Variants in PDLIM5 observed in about 807,000 individuals in gnomAD.
PDLIM5 encodes PDZ and LIM domain 5.
A neutral mutation model predicts 64.2 loss-of-function variants in PDLIM5; 34 were observed. That is an observed-to-expected ratio of 0.53 (90% CI 0.40 to 0.71). The LOEUF is 0.71. Ranked by LOEUF, PDLIM5 falls within the 30% of genes least tolerant of loss-of-function variation. PDLIM5 has a pLI of 0.00. For missense variants in PDLIM5, 683 were observed against 733.6 expected (o/e 0.93, Z 0.80); for synonymous variants, 253 against 269.1 (o/e 0.94, Z 0.59).
intron 9 of PDLIM5, among the ~76,000 whole-genome samples, chr4:94,642,474 G>A (rs192295205): frequency 1.4e-4 from 22 of 152,244 alleles, no homozygotes; most frequent in East Asian, 9.6e-4. Context: ...TCATCCTGCC[G>A]TGTAAAATAA....
intron 2 of PDLIM5, among the ~76,000 whole-genome samples, chr4:94,513,568 C>G (rs1466017552): frequency 6.6e-6 from 1 of 152,092 alleles, no homozygotes; most frequent in East Asian, 1.9e-4. Context: ...GACTTTGTAT[C>G]CTGCAACTTT....
At chr4:94,556,933 G>T (rs1268204269) in intron 3 of PDLIM5, among the ~76,000 whole-genome samples, 3 of 152,206 alleles carry the variant, frequency 2.0e-5, no homozygotes, top group Admixed American at 6.5e-5. Flanking sequence ...GTCAATTTTG[G>T]CTTTTGTTGC....
intron 7 of PDLIM5, among the ~76,000 whole-genome samples, chr4:94,602,755 C>A (rs1042073185): frequency 6.6e-6 from 1 of 150,466 alleles, no homozygotes; most frequent in Non-Finnish European, 1.5e-5. Flanking sequence ...CACACCAGGC[C>A]CCTGCAGCCT....
chr4:94,630,110 T>A (rs72880425), intron 8 of PDLIM5, among the ~76,000 whole-genome samples: 5,735 of 152,266 alleles, frequency 0.038, 375 homozygotes, highest in African/African-American at 0.13. Flanking sequence ...ATTTAGTATG[T>A]GTAAAATTGC....
chr4:94,624,744 G>C (rs920271492), intron 8 of PDLIM5, among the ~76,000 whole-genome samples: 1 of 152,122 alleles, frequency 6.6e-6, no homozygotes, highest in Admixed American at 6.5e-5. Context: ...ATTTGGCTTC[G>C]GGTAGGAAAG....
At chr4:94,492,120 A>T (rs572079898) in intron 2 of PDLIM5, among the ~76,000 whole-genome samples, 1 of 150,808 alleles carries the variant, frequency 6.6e-6, no homozygotes, top group South Asian at 2.1e-4. Flanking sequence ...AGCTTTAAGA[A>T]TTGTTTTTCT....
chr4:94,588,217 ACATTT>A, intron 7 of PDLIM5: 3 of 956,954 alleles, frequency 3.1e-6, no homozygotes, highest in Non-Finnish European at 3.7e-6. Flanking sequence ...CAATTCTCTG[ACATTT>A]CATTTGGAAA....
intron 6 of PDLIM5, 66 bp from the exon 7 acceptor site, chr4:94,586,342 A>G: frequency 1.2e-6 from 1 of 855,382 alleles, no homozygotes; most frequent in Non-Finnish European, 2.0e-6. Flanking sequence ...GGTGCAGGTA[A>G]TTGCTTAAGT....
Position 94,563,408 on chromosome 4 carries a change from A to T in PDLIM5, c.249-9943A>T, listed in dbSNP as rs541532929. On this transcript the variant is annotated intron_variant, in intron 3 of 12. Transcript: ENST00000317968. ...TTCTTATGAATAACTCCAGATTTTT[A>T]AAAATATCTAAACTCACCCAAAGTT... Among the ~76,000 whole-genome samples the T allele has an allele frequency of 1.7e-4, 26 of 152,312 alleles. 1 individual carries two copies. The South Asian group carries it at 5.0e-3, about 29-fold the overall frequency.
In PDLIM5 at chr4:94,514,282, C is replaced by T. The variant is rs556667346; in HGVS notation, c.97-9442C>T. ...CCCAAGTAGCTGGGACTACAGGTGC[C>T]CACCATCACGCCCAGCTAATTTTTT... On this transcript the variant is annotated intron_variant, in intron 2 of 12. Transcript: ENST00000317968. Among the ~76,000 whole-genome samples, 12 of 151,914 alleles carry T rather than the reference C, an allele frequency of 7.9e-5. No homozygotes were observed. The South Asian group carries it at 2.5e-3, about 32-fold the overall frequency.
chr4:94,455,536 G>T, intron 2 of PDLIM5, 152 bp downstream of exon 2: 1 of 660,060 alleles, frequency 1.5e-6, no homozygotes. Flanking sequence ...AATAAAGGAT[G>T]AGGGGAGTAG....
At chr4:94,521,195 T>C (rs1729794625) in intron 2 of PDLIM5, among the ~76,000 whole-genome samples, 1 of 152,196 alleles carries the variant, frequency 6.6e-6, no homozygotes, top group Non-Finnish European at 1.5e-5. Flanking sequence ...ACTCTCATTT[T>C]ATAAATAGGG....
chr4:94,563,518 A>C (rs1003114335), intron 3 of PDLIM5, among the ~76,000 whole-genome samples: 2 of 152,220 alleles, frequency 1.3e-5, no homozygotes, highest in African/African-American at 4.8e-5. Flanking sequence ...AGAAGATAGC[A>C]GACTGACTTT....
chr4:94,619,164 C>A (rs1338013382), intron 8 of PDLIM5, among the ~76,000 whole-genome samples: 6 of 152,154 alleles, frequency 3.9e-5, no homozygotes, highest in African/African-American at 1.2e-4. Flanking sequence ...CCCACATTCT[C>A]ACAGTAACTA....
chr4:94,479,330 C>CTTTTTTTTT (rs34176254), intron 2 of PDLIM5, among the ~76,000 whole-genome samples: 1 of 130,984 alleles, frequency 7.6e-6, no homozygotes, highest in Non-Finnish European at 1.6e-5. Flanking sequence ...AGCTTTGAGA[C>CTTTTTTTTT]TTTTTTTTTT....
Position 94,604,351 on chromosome 4 carries a change from G to A in PDLIM5, c.921-13653G>A, listed in dbSNP as rs558143864. ...GGAGGTATCTAATGTAGTCATCTTC[G>A]GGCTGGGTGTGGTGGCTCACGCCTG... On this transcript the variant is annotated intron_variant, in intron 7 of 12. Coordinates refer to ENST00000317968, the MANE Select transcript of PDLIM5 (RefSeq NM_006457.5). Among the ~76,000 whole-genome samples, 10 of 152,170 alleles carry A rather than the reference G, an allele frequency of 6.6e-5. No homozygotes were observed. The East Asian group carries it at 9.7e-4, about 15-fold the overall frequency.
intron 2 of PDLIM5, among the ~76,000 whole-genome samples, chr4:94,492,747 T>G (rs192636710): frequency 1.1e-3 from 164 of 152,312 alleles, no homozygotes; most frequent in Middle Eastern, 6.8e-3. Flanking sequence ...TTCCATTGTG[T>G]TATCATATGT....
At chr4:94,454,526 T>C (rs942099692) in intron 1 of PDLIM5, among the ~76,000 whole-genome samples, 2 of 152,160 alleles carry the variant, frequency 1.3e-5, no homozygotes, top group African/African-American at 4.8e-5. Flanking sequence ...TGGCAAATGC[T>C]TACTCTCTGC....
At chr4:94,523,247 A>G (rs1409395538) in intron 2 of PDLIM5, among the ~76,000 whole-genome samples, 1 of 152,214 alleles carries the variant, frequency 6.6e-6, no homozygotes, top group African/African-American at 2.4e-5. Flanking sequence ...AACTGGACTC[A>G]ACAGGAAGGA....
Sources: gnomAD v4.1 joint callset for allele counts (sites outside exome capture counted in the v4.1 genomes callset) on GRCh38, gnomAD v4.1.1 for gene constraint, MANE v1.5 for transcripts, NCBI Gene and HGNC (gene_info 2026-07-23, HGNC 2026-07-21) for gene names.